Variants in PABPC3 observed in about 807,000 individuals in gnomAD.
PABPC3 encodes the protein polyadenylate-binding protein 3.
Under a neutral mutation model 43.0 loss-of-function variants are expected in PABPC3, and 43 were observed. That is an observed-to-expected ratio of 1.00 (90% CI 0.78 to 1.29). PABPC3 has a LOEUF of 1.29. PABPC3 is among the 50% of genes most tolerant of loss of function. PABPC3 has a pLI of 0.00. For synonymous variants in PABPC3, 221 were observed against 274.6 expected, an observed-to-expected ratio of 0.80 and a Z score of 1.93; for missense variants, 784 against 798.1, an observed-to-expected ratio of 0.98 and a Z score of 0.21.
rs753904248 is a variant in PABPC3, at chr13:25,096,768, C to G, written c.570C>G (p.Phe190Leu). 3 of 1,614,290 alleles carry G rather than the reference C, an allele frequency of 1.9e-6. No homozygotes were observed. In the South Asian group the frequency reaches 3.3e-5, roughly 18 times the overall value. ...EAELGARAKE[F>L]PNVYIKNFGE... ...AACTTGGAGCTAGGGCAAAAGAGTT[C>G]CCCAATGTTTACATCAAGAATTTTG... The change falls in exon 1 of 1, where the codon TTC (phenylalanine) becomes TTG (leucine). Residue 190 changes from phenylalanine to leucine, a missense_variant. Coordinates refer to ENST00000281589, the MANE Select transcript of PABPC3 (RefSeq NM_030979.3).
rs890278392 is a variant in PABPC3, at chr13:25,098,242, T to C, written c.*148T>C. 1 of 698,060 alleles carries C rather than the reference T, an allele frequency of 1.4e-6. No individual in the cohort carries two copies. The highest frequency in any genetic ancestry group is 1.8e-5 in the African/African-American group (1 of 55,448). The allele number at this position is 698,060 out of a possible 1,614,324, so 43.2% of individuals were successfully genotyped here. A position where few individuals can be genotyped will look rare whatever the true frequency, so the allele number is the denominator to read the frequency against. On this transcript the variant is annotated 3_prime_UTR_variant, in exon 1 of 1. Coordinates refer to ENST00000281589, the MANE Select transcript of PABPC3 (RefSeq NM_030979.3). ...AATGGAAAGGAAACTTTGAACCTTATGTACCGAGCAAATGCAAGGTCTAGC... is the reference window on the plus strand; with the variant it reads ...AATGGAAAGGAAACTTTGAACCTTACGTACCGAGCAAATGCAAGGTCTAGC...
rs767100667 is a variant in PABPC3, at chr13:25,097,168, A to G, written c.970A>G (p.Lys324Glu). The stretch of plus-strand genomic sequence containing the variant: ...TCCATTTGGTACAATCACTAGTGCA[A>G]AGGTTATGATGGAAGGTGGTCGCAG... ...FSPFGTITSA[K>E]VMMEGGRSKG... The change falls in exon 1 of 1, where the codon AAG (lysine) becomes GAG (glutamate). Residue 324 changes from lysine to glutamate, a missense_variant. Coordinates refer to ENST00000281589, the MANE Select transcript of PABPC3 (RefSeq NM_030979.3). The G allele has an allele frequency of 6.2e-7, 1 of 1,614,150 alleles. No individual in the cohort carries two copies. Among genetic ancestry groups the G allele is most frequent in the African/African-American group, 1.3e-5 (1 of 74,952 alleles).
rs113617207 is a variant in PABPC3, at chr13:25,097,550, G to A, written c.1352G>A (p.Gly451Asp). 3.3e-6 allele frequency: 5 copies of A among 1,525,330 alleles called. No individual in the cohort carries two copies. Among genetic ancestry groups the A allele is most frequent in the Non-Finnish European group, 4.5e-6 (5 of 1,121,470 alleles). 94.5% of individuals were successfully genotyped at this position (1,525,330 alleles called of 1,614,324 possible). A position where few individuals can be genotyped will look rare whatever the true frequency, so the allele number is the denominator to read the frequency against. ...AATAAGCCCAGTGCTATCCGCCCAG[G>A]TGCTCCTAGAGTACCATTTAGTACT... ...FQNKPSAIRP[G>D]APRVPFSTMR... The change falls in exon 1 of 1, where the codon GGT (glycine) becomes GAT (aspartate). Residue 451 changes from glycine (G) to aspartate (D), a missense_variant. Gly to Asp is a moderately conservative substitution (Grantham distance 94). Transcript: ENST00000281589.
Position 25,099,200 on chromosome 13 carries a change from A to G in PABPC3, c.*1106A>G, listed in dbSNP as rs1242825228. 1.2e-5 allele frequency: 2 copies of G among 165,970 alleles called. No homozygotes were observed. Among genetic ancestry groups the G allele is most frequent in the Non-Finnish European group, 2.9e-5 (2 of 67,952 alleles). 10.3% of individuals were successfully genotyped at this position (165,970 alleles called of 1,614,324 possible). On this transcript the variant is annotated 3_prime_UTR_variant, in exon 1 of 1. Transcript: ENST00000281589. ...TGAGTAGAGGCTGTGACATTGCACT[A>G]CATAGAAATATAATTATACCATATT...
In PABPC3 at chr13:25,098,248, G is replaced by C; in HGVS notation, c.*154G>C. 1 of 665,760 alleles carries C rather than the reference G, an allele frequency of 1.5e-6. No individual in the cohort carries two copies. The allele number at this position is 665,760 out of a possible 1,614,324, so 41.2% of individuals were successfully genotyped here. ...AAGGAAACTTTGAACCTTATGTACC[G>C]AGCAAATGCAAGGTCTAGCAAATAT... On this transcript the variant is annotated 3_prime_UTR_variant, in exon 1 of 1. Transcript: ENST00000281589.
rs1311268966 is a variant in PABPC3 at position 25,098,309 on chromosome 13, A to C, written c.*215A>C. 1.4e-5 allele frequency: 6 copies of C among 438,780 alleles called. No individual in the cohort carries two copies. The highest frequency in any genetic ancestry group is 2.5e-5 in the Non-Finnish European group (6 of 243,288). The allele number at this position is 438,780 out of a possible 1,614,324, so 27.2% of individuals were successfully genotyped here. On this transcript the variant is annotated 3_prime_UTR_variant, in exon 1 of 1. Coordinates refer to ENST00000281589, the MANE Select transcript of PABPC3 (RefSeq NM_030979.3). ...CTAGATTACTTATTGATTTAAAAAC[A>C]AAAAAAAGATTACTTAATTTTGATT...
In PABPC3 at chr13:25,097,987, T is replaced by G; in HGVS notation, c.1789T>G (p.Ser597Ala). The G allele has an allele frequency of 1.2e-6, 2 of 1,613,378 alleles. No individual in the cohort carries two copies. Among genetic ancestry groups the G allele is most frequent in the Non-Finnish European group, 1.7e-6 (2 of 1,179,758 alleles). ...ELLYMLESPE[S>A]LRSKVDEAVA... The stretch of plus-strand genomic sequence containing the variant: ...TCTTTATATGCTCGAGTCTCCAGAG[T>G]CACTCCGTTCTAAGGTTGATGAAGC... Residue 597 changes from serine to alanine, a missense_variant, in exon 1 of 1, where the codon TCA (serine) becomes GCA (alanine). Coordinates refer to ENST00000281589, the MANE Select transcript of PABPC3 (RefSeq NM_030979.3).
rs778965931 is a variant in PABPC3 at position 25,096,414 on chromosome 13, G to T, written c.216G>T (p.Met72Ile). 6.2e-7 allele frequency: 1 copy of T among 1,614,222 alleles called. No homozygotes were observed. Among genetic ancestry groups the T allele is most frequent in the South Asian group, 1.1e-5 (1 of 91,084 alleles). ...ACGCGGAGCATGCTCTGGACACCAT[G>T]AATTTTGATGTTATAAAGGGCAAGC... is the stretch of plus-strand genomic sequence containing the variant. ...TKDAEHALDT[M>I]NFDVIKGKPV... Residue 72 changes from methionine (M) to isoleucine (I), a missense_variant, in exon 1 of 1, where the codon ATG becomes ATT. Transcript: ENST00000281589.
At chr13:25,096,582 T>A in the PABPC3 span, 1 of 1,614,284 alleles carries the variant, frequency 6.2e-7, no homozygotes, top group South Asian at 1.1e-5. Flanking sequence ...TCCTTTCGTG[T>A]AACGTGGTTT....
In PABPC3 at chr13:25,098,094, A is replaced by C; in HGVS notation, c.1896A>C (p.Ter632TyrextTer2). Residue 632 changes from the stop codon to tyrosine, a stop_lost, in exon 1 of 1, where the codon TAA (stop) becomes TAC (tyrosine). Transcript: ENST00000281589. Reference protein sequence around the residue: ...VNSATGVPTV* With the variant: ...VNSATGVPTVY ...GTGCTACCGGTGTTCCAACTGTTTAAAATTGATCAGAGACCACGAAAAGAA... is the reference window on the plus strand; with the variant it reads ...GTGCTACCGGTGTTCCAACTGTTTACAATTGATCAGAGACCACGAAAAGAA... 1.2e-6 allele frequency: 2 copies of C among 1,612,736 alleles called. No individual in the cohort carries two copies. Among genetic ancestry groups the C allele is most frequent in the Non-Finnish European group, 1.7e-6 (2 of 1,179,122 alleles).
In PABPC3 at chr13:25,097,283, C is replaced by T; in HGVS notation, c.1085C>T (p.Pro362Leu). The T allele has an allele frequency of 6.2e-7, 1 of 1,614,282 alleles. No individual in the cohort carries two copies. The highest frequency in any genetic ancestry group is 8.5e-7 in the Non-Finnish European group (1 of 1,180,054). Residue 362 changes from proline (P) to leucine (L), a missense_variant, in exon 1 of 1, where the codon CCA (proline) becomes CTA (leucine). Pro to Leu is a moderately conservative substitution (Grantham distance 98, BLOSUM62 -3). Transcript: ENST00000281589. ...AACGGTAGAATTGTGGCCACAAAGC[C>T]ATTGTATGTAGCTTTAGCTCAGCGC... ...EMNGRIVATK[P>L]LYVALAQRKE... is the part of the protein sequence containing the mutation.
chr13:25,097,822 G>A lies in PABPC3; in HGVS notation c.1624G>A (p.Ala542Thr). The change falls in exon 1 of 1, where the codon GCC (alanine) becomes ACC (threonine). Residue 542 changes from alanine to threonine, a missense_variant. Ala to Thr is a moderately conservative substitution (Grantham distance 58). Coordinates refer to ENST00000281589, the MANE Select transcript of PABPC3 (RefSeq NM_030979.3). ...TGTACAAGGTCAGGAAACTTTGACT[G>A]CCTCCAGGTTGGCATCTGCCCCTCC... ...VHVQGQETLT[A>T]SRLASAPPQK... The A allele has an allele frequency of 6.2e-7, 1 of 1,614,054 alleles. No homozygotes were observed. Among genetic ancestry groups the A allele is most frequent in the Non-Finnish European group, 8.5e-7 (1 of 1,179,926 alleles).
At position 25,096,206 on chromosome 13, in the gene PABPC3, C is replaced by G. The variant is rs867997185; in HGVS notation, c.8C>G (p.Pro3Arg). 1.2e-6 allele frequency: 2 copies of G among 1,612,044 alleles called. No homozygotes were observed. The highest frequency in any genetic ancestry group is 1.7e-6 in the Non-Finnish European group (2 of 1,178,636). Residue 3 changes from proline to arginine, a missense_variant, in exon 1 of 1, where the codon CCC (proline) becomes CGC (arginine). Transcript: ENST00000281589. MN[P>R]STPSYPTASL... ...CGGGCAGCCGTGCCGAGAATGAACCCCAGCACCCCCAGCTACCCAACGGCC... is the reference window on the plus strand; with the variant it reads ...CGGGCAGCCGTGCCGAGAATGAACCGCAGCACCCCCAGCTACCCAACGGCC...
Position 25,096,749 on chromosome 13 carries a change from G to A in PABPC3, c.551G>A (p.Gly184Glu), listed in dbSNP as rs370225599. The A allele has an allele frequency of 1.8e-5, 29 of 1,614,198 alleles. No individual in the cohort carries two copies. Among genetic ancestry groups the A allele is most frequent in the Non-Finnish European group, 2.4e-5 (28 of 1,180,066 alleles). The change falls in exon 1 of 1, where the codon GGA becomes GAA. Residue 184 changes from glycine (G) to glutamate (E), a missense_variant. By Grantham distance (98) the Gly-to-Glu change is moderately conservative. Transcript: ENST00000281589. ...CGTAAAGAACGAGAAGCTGAACTTG[G>A]AGCTAGGGCAAAAGAGTTCCCCAAT... ...KSRKEREAEL[G>E]ARAKEFPNVY...
Position 25,097,072 on chromosome 13 carries a change from C to G in PABPC3, c.874C>G (p.Gln292Glu). 6.7e-7 allele frequency: 1 copy of G among 1,497,794 alleles called. No homozygotes were observed. Among genetic ancestry groups the G allele is most frequent in the Non-Finnish European group, 9.2e-7 (1 of 1,083,944 alleles). The allele number at this position is 1,497,794 out of a possible 1,614,324, so 92.8% of individuals were successfully genotyped here. A position where few individuals can be genotyped will look rare whatever the true frequency, so the allele number is the denominator to read the frequency against. The change falls in exon 1 of 1, where the codon CAG becomes GAG. Residue 292 changes from glutamine (Q) to glutamate (E), a missense_variant. By Grantham distance (29) the Gln-to-Glu change is conservative. Transcript: ENST00000281589. ...QMKQDRITRY[Q>E]VVNLYVKNLD... ...GAAGCAAGATAGGATCACCAGATAC[C>G]AGGTTGTTAATCTTTATGTGAAAAA...
Position 25,097,984 on chromosome 13 carries a change from G to A in PABPC3, c.1786G>A (p.Glu596Lys). 1 of 1,613,990 alleles carries A rather than the reference G, an allele frequency of 6.2e-7. No homozygotes were observed. The highest frequency in any genetic ancestry group is 8.5e-7 in the Non-Finnish European group (1 of 1,179,870). Residue 596 changes from glutamate to lysine, a missense_variant, in exon 1 of 1, where the codon GAG becomes AAG. By Grantham distance (56) the Glu-to-Lys change is moderately conservative. Coordinates refer to ENST00000281589, the MANE Select transcript of PABPC3 (RefSeq NM_030979.3). The stretch of plus-strand genomic sequence containing the variant: ...ACTTCTTTATATGCTCGAGTCTCCA[G>A]AGTCACTCCGTTCTAAGGTTGATGA... ...SELLYMLESPESLRSKVDEAV... is the reference protein window; with the variant it reads ...SELLYMLESPKSLRSKVDEAV...
Position 25,097,406 on chromosome 13 carries a change from T to G in PABPC3, c.1208T>G (p.Phe403Cys). The G allele has an allele frequency of 6.2e-7, 1 of 1,614,078 alleles. No homozygotes were observed. Among genetic ancestry groups the G allele is most frequent in the Non-Finnish European group, 8.5e-7 (1 of 1,180,030 alleles). ...CAGCGAGCACCTCCTTCAGGTTACT[T>G]CATGACAGCTGTCCCACAGACTCAG... ...PNQRAPPSGY[F>C]MTAVPQTQNH... Residue 403 changes from phenylalanine (F) to cysteine (C), a missense_variant, in exon 1 of 1, where the codon TTC becomes TGC. Transcript: ENST00000281589.
In PABPC3 at chr13:25,098,191, T is replaced by C. The variant is rs9553534; in HGVS notation, c.*97T>C. 2 of 1,102,774 alleles carry C rather than the reference T, an allele frequency of 1.8e-6. No homozygotes were observed. The highest frequency in any genetic ancestry group is 1.6e-5 in the African/African-American group (1 of 62,914). 68.3% of individuals were successfully genotyped at this position (1,102,774 alleles called of 1,614,324 possible). A position where few individuals can be genotyped will look rare whatever the true frequency, so the allele number is the denominator to read the frequency against. On this transcript the variant is annotated 3_prime_UTR_variant, in exon 1 of 1. Coordinates refer to ENST00000281589, the MANE Select transcript of PABPC3 (RefSeq NM_030979.3). ...GGAAAAAAAATTGCAAAATCTAAAA[T>C]AAAAAATGCAAAATCTAAAATAAAA...
In PABPC3 at chr13:25,098,481, T is replaced by C. The variant is rs1271368021; in HGVS notation, c.*387T>C. 5.4e-6 allele frequency: 1 copy of C among 185,746 alleles called. No individual in the cohort carries two copies. Among genetic ancestry groups the C allele is most frequent in the Non-Finnish European group, 1.2e-5 (1 of 80,806 alleles). 11.5% of individuals were successfully genotyped at this position (185,746 alleles called of 1,614,324 possible). A position where few individuals can be genotyped will look rare whatever the true frequency, so the allele number is the denominator to read the frequency against. ...AATAGCTCAAAATGTCCATTCTGTT[T>C]TAAGTAACAGAATTGATAACTGAGC... is the stretch of plus-strand genomic sequence containing the variant. On this transcript the variant is annotated 3_prime_UTR_variant, in exon 1 of 1. Coordinates refer to ENST00000281589, the MANE Select transcript of PABPC3 (RefSeq NM_030979.3).
Sources: allele counts gnomAD v4.1 joint callset, GRCh38; gene constraint gnomAD v4.1.1; transcripts MANE v1.5; gene names NCBI Gene and HGNC (gene_info 2026-07-23, HGNC 2026-07-21).